PCDHGA4: variants seen among roughly 807,000 people sequenced by gnomAD.
PCDHGA4 encodes protocadherin gamma-A4.
PCDHGA4 carries 38 observed loss-of-function variants against 54.6 expected under a neutral mutation model. The ratio of observed to expected loss-of-function variants is 0.70; its 90% CI spans 0.54 to 0.91. PCDHGA4 has a LOEUF of 0.91. Ranked by LOEUF, PCDHGA4 falls within the 40% of genes least tolerant of loss-of-function variation. PCDHGA4 has a pLI of 0.00. For missense variants in PCDHGA4, 1,298 were observed against 1,220.9 expected (o/e 1.06, Z -0.94); for synonymous variants, 511 against 512.9 (o/e 1.00, Z 0.05).
rs1219684339 is a variant in PCDHGA4, at chr5:141,506,444, CAAAAAAAAAAA to C, written c.2662+974_2662+984del. Among the ~76,000 whole-genome samples, 33 of 95,024 alleles carry C rather than the reference CAAAAAAAAAAA, an allele frequency of 3.5e-4. No individual in the cohort carries two copies. The East Asian group carries it at 0.011, about 31-fold the overall frequency. The allele number at this position is 95,024 out of a possible 152,430, so 62.3% of individuals were successfully genotyped here. On this transcript the variant is annotated intron_variant, in intron 3 of 3. Coordinates refer to ENST00000571252, the MANE Select transcript of PCDHGA4 (RefSeq NM_018917.4). ...CCTGGGCAACAGTCTCGCTCTGTCTCAAAAAAAAAAAAAAAAAAAAAGAGCACAGGCTTTAG... is the reference window on the plus strand; with the variant it reads ...CCTGGGCAACAGTCTCGCTCTGTCTCAAAAAAAAAAGAGCACAGGCTTTAG...
At chr5:141,360,940 C>T in intron 1 of PCDHGA4, 5 of 1,613,890 alleles carry the variant, frequency 3.1e-6, no homozygotes, top group Non-Finnish European at 4.2e-6. Flanking sequence ...AGCCACCGAC[C>T]GGGATGAAGG....
intron 1 of PCDHGA4, chr5:141,422,371 C>A: frequency 6.4e-7 from 1 of 1,567,208 alleles, no homozygotes; most frequent in South Asian, 1.2e-5. Context: ...AGAAAATGGT[C>A]AAGTCTCCTG....
In PCDHGA4 at chr5:141,431,357, C is replaced by G. The variant is rs762220618; in HGVS notation, c.2515-63450C>G. 1.9e-5 allele frequency: 31 copies of G among 1,613,926 alleles called. No homozygotes were observed. Among genetic ancestry groups the G allele is most frequent in the Non-Finnish European group, 2.2e-5 (26 of 1,180,046 alleles). On this transcript the variant is annotated intron_variant, in intron 1 of 3. Coordinates refer to ENST00000571252, the MANE Select transcript of PCDHGA4 (RefSeq NM_018917.4). The surrounding 1 kb of genome is among the most constrained non-coding windows in gnomAD (Gnocchi z 4.8). ...CCCCGAATTGGTGCTGAAACGCGCC[C>G]TGGACCGCGAAGAAAAGGCTGCTCA...
chr5:141,448,818 G>A (rs2098609016), intron 1 of PCDHGA4, among the ~76,000 whole-genome samples: 1 of 151,984 alleles, frequency 6.6e-6, no homozygotes, highest in Admixed American at 6.6e-5. Context: ...GATGGCGGGC[G>A]CCTGTAGTCC....
intron 1 of PCDHGA4, chr5:141,413,527 G>T (rs768496934): frequency 1.2e-6 from 2 of 1,613,820 alleles, no homozygotes; most frequent in African/African-American, 1.3e-5. Flanking sequence ...GGAAGACAGG[G>T]TGAAACTTTT....
In PCDHGA4 at chr5:141,476,141, G is replaced by A. The variant is rs1011341002; in HGVS notation, c.2515-18666G>A. On this transcript the variant is annotated intron_variant, in intron 1 of 3. Coordinates refer to ENST00000571252, the MANE Select transcript of PCDHGA4 (RefSeq NM_018917.4). This position sits in a 1 kb window ranked among gnomAD's most constrained non-coding sequence, Gnocchi z 7.6. ...GATGGTCCCAGAGGCCTGGAGGAGCGGACTGGTAAGCACCGGGAGGGTAGT... is the reference window on the plus strand; with the variant it reads ...GATGGTCCCAGAGGCCTGGAGGAGCAGACTGGTAAGCACCGGGAGGGTAGT... 5.6e-6 allele frequency: 9 copies of A among 1,609,928 alleles called. No homozygotes were observed. Among genetic ancestry groups the A allele is most frequent in the Non-Finnish European group, 7.6e-6 (9 of 1,178,880 alleles).
chr5:141,372,028 A>G (rs1367060313), intron 1 of PCDHGA4: 2 of 1,613,362 alleles, frequency 1.2e-6, no homozygotes, highest in South Asian at 1.1e-5. Flanking sequence ...CTCAGCGCCA[A>G]CGTGAGCCTG....
intron 1 of PCDHGA4, chr5:141,366,846 TA>T: frequency 6.8e-7 from 1 of 1,476,346 alleles, no homozygotes; most frequent in Non-Finnish European, 9.1e-7. Context: ...GTTATGTAAA[TA>T]GTGGAACATT....
intron 1 of PCDHGA4, chr5:141,387,691 G>C (rs1032902954): frequency 3.3e-5 from 28 of 840,822 alleles, no homozygotes; most frequent in Non-Finnish European, 4.7e-5. Context: ...GCCGCAGCGC[G>C]CTTTCCAGGG....
chr5:141,421,102 T>G, intron 1 of PCDHGA4: 1 of 691,404 alleles, frequency 1.4e-6, no homozygotes, highest in Non-Finnish European at 2.4e-6. Flanking sequence ...CACTGGAGAC[T>G]TAGAAGTATT....
rs1596285501 is a variant in PCDHGA4, at chr5:141,510,367, C to A, written c.2663-580C>A. Among the ~76,000 whole-genome samples the A allele has an allele frequency of 5.0e-5, 7 of 140,362 alleles. 1 individual carries two copies. In the South Asian group the frequency reaches 1.6e-3, roughly 31 times the overall value. The allele number at this position is 140,362 out of a possible 152,430, so 92.1% of individuals were successfully genotyped here. A position where few individuals can be genotyped will look rare whatever the true frequency, so the allele number is the denominator to read the frequency against. On this transcript the variant is annotated intron_variant, in intron 3 of 3. Transcript: ENST00000571252. ...ACACTTACTAACGGAACTACCGAAT[C>A]TCTACTCGTGCCAGGCCTTGCTTGG...
At chr5:141,440,484 A>G (rs190024112) in intron 1 of PCDHGA4, 36 of 152,300 alleles carry the variant, frequency 2.4e-4, no homozygotes, top group Non-Finnish European at 4.7e-4. Context: ...AATTCTTTAA[A>G]TGTTTTTCAC....
intron 1 of PCDHGA4, chr5:141,376,748 G>A (rs1210343016): frequency 4.3e-6 from 2 of 467,530 alleles, no homozygotes; most frequent in Non-Finnish European, 7.4e-6. Flanking sequence ...CTGCAGTGGC[G>A]CAATCTCGGC....
intron 2 of PCDHGA4, among the ~76,000 whole-genome samples, chr5:141,496,991 G>T (rs1164558685): frequency 6.6e-6 from 1 of 151,902 alleles, no homozygotes; most frequent in African/African-American, 2.4e-5. Context: ...TTTGAGACCA[G>T]CCTGGCAGCC....
chr5:141,365,671 C>G, intron 1 of PCDHGA4: 1 of 1,613,394 alleles, frequency 6.2e-7, no homozygotes, highest in Admixed American at 1.7e-5. Flanking sequence ...ACGTTAATGA[C>G]AACCCACCCA....
chr5:141,396,042 A>G (rs2093337325), intron 1 of PCDHGA4: 2 of 152,260 alleles, frequency 1.3e-5, no homozygotes, highest in Non-Finnish European at 2.9e-5. Context: ...ACATATTTCA[A>G]TACAATTCCA....
chr5:141,358,747 C>T (rs767586792), intron 1 of PCDHGA4, among the ~76,000 whole-genome samples: 41 of 152,120 alleles, frequency 2.7e-4, no homozygotes, highest in Non-Finnish European at 3.4e-4. Flanking sequence ...AGTCTTTTCT[C>T]TTGTCATCAT....
chr5:141,410,623 G>T, intron 1 of PCDHGA4: 2 of 1,603,052 alleles, frequency 1.2e-6, no homozygotes, highest in Non-Finnish European at 1.7e-6. Context: ...TGACTTCGGT[G>T]AGTTTCTCTT....
intron 1 of PCDHGA4, chr5:141,400,327 G>A: frequency 6.2e-7 from 1 of 1,614,074 alleles, no homozygotes. Context: ...GTCTGGACCT[G>A]TGGTTCCCCC....
Sources: gnomAD v4.1 joint callset for allele counts (sites outside exome capture counted in the v4.1 genomes callset) on GRCh38, gnomAD v4.1.1 for gene constraint, Gnocchi (gnomAD v3.1) non-coding constraint, MANE v1.5 for transcripts, NCBI Gene and HGNC (gene_info 2026-07-23, HGNC 2026-07-21) for gene names.